CPA6: variants seen among roughly 807,000 people sequenced by gnomAD.
The protein encoded by CPA6 is carboxypeptidase A6, also known as carboxypeptidase B.
A neutral mutation model predicts 63.3 loss-of-function variants in CPA6; 58 were observed. The ratio of observed to expected loss-of-function variants is 0.92; its 90% confidence interval spans 0.74 to 1.14. CPA6 has a LOEUF of 1.14. Among genes scored for constraint, CPA6 ranks in the 50% most tolerant of loss-of-function variants. The pLI is 0.00. For missense variants in CPA6, 565 were observed against 526.6 expected, an observed-to-expected ratio of 1.07 and a Z score of -0.71; for synonymous variants, 185 against 179.0, an observed-to-expected ratio of 1.03 and a Z score of -0.27.
chr8:67,588,837 T>A (rs989943693), intron 2 of CPA6, among the ~76,000 whole-genome samples: 1 of 152,152 alleles, frequency 6.6e-6, no homozygotes, highest in Non-Finnish European at 1.5e-5. Flanking sequence ...AAGCCAGGTT[T>A]ACATTAAAGA....
intron 1 of CPA6, among the ~76,000 whole-genome samples, chr8:67,689,880 A>G (rs934929030): frequency 3.9e-5 from 6 of 152,224 alleles, no homozygotes; most frequent in African/African-American, 1.4e-4. Context: ...GAACTAATTT[A>G]TATTCCCACC....
intron 2 of CPA6, among the ~76,000 whole-genome samples, chr8:67,524,104 C>A (rs183017982): frequency 6.6e-6 from 1 of 152,238 alleles, no homozygotes; most frequent in Admixed American, 6.5e-5. Context: ...CTTATTTACT[C>A]TTAAAATTCT....
At chr8:67,606,221 A>T (rs1220117828) in intron 2 of CPA6, among the ~76,000 whole-genome samples, 5 of 150,900 alleles carry the variant, frequency 3.3e-5, no homozygotes, top group African/African-American at 1.2e-4. Context: ...TAGGAGATAT[A>T]CCTAATGCTA....
chr8:67,442,781 T>G (rs1268400292), intron 8 of CPA6, among the ~76,000 whole-genome samples: 1 of 152,152 alleles, frequency 6.6e-6, no homozygotes, highest in African/African-American at 2.4e-5. Flanking sequence ...ACAGCTCCAC[T>G]TGCTACCCTC....
At chr8:67,465,313 G>T (rs1400956412) in intron 8 of CPA6, among the ~76,000 whole-genome samples, 1 of 152,040 alleles carries the variant, frequency 6.6e-6, no homozygotes, top group Non-Finnish European at 1.5e-5. Flanking sequence ...TGTTATTGGT[G>T]TATAGAAATG....
intron 2 of CPA6, among the ~76,000 whole-genome samples, chr8:67,556,831 T>C (rs1813073332): frequency 6.6e-6 from 1 of 152,212 alleles, no homozygotes; most frequent in Admixed American, 6.5e-5. Flanking sequence ...GTTTGCTGCA[T>C]AGGCTTTTTA....
chr8:67,618,130 G>A (rs1191175300), intron 2 of CPA6, among the ~76,000 whole-genome samples: 1 of 152,200 alleles, frequency 6.6e-6, no homozygotes, highest in Admixed American at 6.5e-5. Flanking sequence ...CAGGAGAGAA[G>A]ATGTGTGTGC....
chr8:67,562,981 G>A (rs919715039), intron 2 of CPA6, among the ~76,000 whole-genome samples: 3 of 151,924 alleles, frequency 2.0e-5, no homozygotes, highest in African/African-American at 4.8e-5. Context: ...CTCTGTATAC[G>A]TTTTGTCTCC....
At chr8:67,653,339 G>T (rs1183117293) in intron 1 of CPA6, among the ~76,000 whole-genome samples, 1 of 152,108 alleles carries the variant, frequency 6.6e-6, no homozygotes, top group Non-Finnish European at 1.5e-5. Flanking sequence ...GGGCAGTATG[G>T]CCATTTTCAC....
chr8:67,676,095 GAC>G (rs1249512653), intron 1 of CPA6, among the ~76,000 whole-genome samples: 1 of 152,178 alleles, frequency 6.6e-6, no homozygotes, highest in Non-Finnish European at 1.5e-5. Flanking sequence ...GTTAGGATGT[GAC>G]ACACTATACC....
chr8:67,623,758 T>C (rs1213549123), intron 2 of CPA6, among the ~76,000 whole-genome samples: 4 of 152,054 alleles, frequency 2.6e-5, no homozygotes, highest in African/African-American at 9.7e-5. Flanking sequence ...TAGCCTTAAA[T>C]ATCCTTTAAA....
chr8:67,487,824 T>C (rs1811516377), intron 6 of CPA6, among the ~76,000 whole-genome samples: 1 of 152,260 alleles, frequency 6.6e-6, no homozygotes, highest in Non-Finnish European at 1.5e-5. Flanking sequence ...ATGAGCATTT[T>C]TTCATGTGTC....
At chr8:67,693,824 C>A (rs999610115) in intron 1 of CPA6, among the ~76,000 whole-genome samples, 2 of 152,134 alleles carry the variant, frequency 1.3e-5, no homozygotes, top group African/African-American at 4.8e-5. Flanking sequence ...CAGATGGAAC[C>A]AAGAAGTAGC....
At chr8:67,579,137 G>A (rs528628035) in intron 2 of CPA6, among the ~76,000 whole-genome samples, 4 of 152,174 alleles carry the variant, frequency 2.6e-5, no homozygotes, top group East Asian at 1.9e-4. Flanking sequence ...TAGGCTGGGC[G>A]TGGTGGCTCA....
intron 2 of CPA6, among the ~76,000 whole-genome samples, chr8:67,555,831 A>T (rs1243367351): frequency 6.6e-6 from 1 of 152,234 alleles, no homozygotes; most frequent in Non-Finnish European, 1.5e-5. Flanking sequence ...GAAAAATCAC[A>T]CATATTTGGT....
intron 2 of CPA6, among the ~76,000 whole-genome samples, chr8:67,577,198 T>C (rs1198589993): frequency 1.3e-5 from 2 of 152,108 alleles, no homozygotes; most frequent in Non-Finnish European, 2.9e-5. Flanking sequence ...ACTAATTATA[T>C]CCCAAATTCC....
chr8:67,706,778 TCTTAC>T (rs1214363507), intron 1 of CPA6, among the ~76,000 whole-genome samples: 28 of 152,122 alleles, frequency 1.8e-4, no homozygotes, highest in Admixed American at 1.7e-3. Context: ...TTTATGAAAA[TCTTAC>T]CTTACAGTCA....
chr8:67,537,934 T>A (rs931025233), intron 2 of CPA6, among the ~76,000 whole-genome samples: 19 of 152,208 alleles, frequency 1.2e-4, no homozygotes, highest in African/African-American at 4.3e-4. Flanking sequence ...TGCCTTAATT[T>A]CGTTATTTAC....
At chr8:67,483,950 C>A (rs1811415994) in intron 7 of CPA6, 92 bp from the exon 8 acceptor site, 1 of 1,035,836 alleles carries the variant, frequency 9.7e-7, no homozygotes, top group African/African-American at 1.6e-5. Flanking sequence ...AGAGTCATAC[C>A]ACTGAGGGGA....
Sources: gnomAD v4.1 joint callset for allele counts (sites outside exome capture counted in the v4.1 genomes callset) on GRCh38, gnomAD v4.1.1 for gene constraint, MANE v1.5 for transcripts, NCBI Gene and HGNC (gene_info 2026-07-23, HGNC 2026-07-21) for gene names.